IL17RD: variants seen among roughly 807,000 people sequenced by gnomAD.
IL17RD encodes the protein interleukin 17 receptor D.
In IL17RD, 52 loss-of-function variants were observed where a neutral mutation model predicts 80.5. The ratio of observed to expected loss-of-function variants is 0.65; its 90% CI spans 0.52 to 0.81. The LOEUF (loss-of-function observed/expected upper bound fraction) is 0.81, where lower values mean the gene tolerates loss of function less well. IL17RD is among the 40% of genes least tolerant of loss of function. The probability of loss-of-function intolerance (pLI) is 0.00; values close to 1 mark genes in which losing one functional copy is unlikely to be tolerated. For synonymous variants in IL17RD, 416 were observed against 391.8 expected (o/e 1.06, Z -0.73); for missense variants, 1,024 against 955.1 (o/e 1.07, Z -0.95).
At chr3:57,134,616 GC>G (rs1388512599) in intron 1 of IL17RD, 5 of 916,464 alleles carry the variant, frequency 5.5e-6, no homozygotes, top group African/African-American at 1.6e-5. Context: ...CCAGGCTAAG[GC>G]CCGCAGGTCT....
In IL17RD at chr3:57,100,912, CA is replaced by C. The variant is rs1706812357; in HGVS notation, c.1164+266del. 2.6e-5 allele frequency among the ~76,000 whole-genome samples: 4 copies of C among 152,174 alleles called. No homozygotes were observed. The South Asian group carries it at 8.3e-4, about 32-fold the overall frequency. On this transcript the variant is annotated intron_variant, in intron 11 of 12. Coordinates refer to ENST00000296318, the MANE Select transcript of IL17RD (RefSeq NM_017563.5). ...AAGCTACTGGTCTTCTTAATGCTTA[CA>C]AAACTTCCTGCCAGGTGGGTGCCAC...
At chr3:57,151,115 C>A (rs893533690) in intron 1 of IL17RD, among the ~76,000 whole-genome samples, 4 of 152,180 alleles carry the variant, frequency 2.6e-5, no homozygotes, top group Non-Finnish European at 4.4e-5. Flanking sequence ...CTATTCACTG[C>A]GGCTTTCCTG....
intron 2 of IL17RD, among the ~76,000 whole-genome samples, chr3:57,118,789 G>A (rs1381967290): frequency 6.6e-6 from 1 of 152,130 alleles, no homozygotes; most frequent in Non-Finnish European, 1.5e-5. Flanking sequence ...CTCCCAAGTT[G>A]AGCAGTTATA....
At chr3:57,118,570 T>C (rs1200547317) in intron 2 of IL17RD, among the ~76,000 whole-genome samples, 1 of 152,146 alleles carries the variant, frequency 6.6e-6, no homozygotes, top group African/African-American at 2.4e-5. Context: ...AAAGCTAAAA[T>C]GATCACAATT....
intron 11 of IL17RD, among the ~76,000 whole-genome samples, chr3:57,100,776 T>C (rs991827905): frequency 6.6e-6 from 1 of 152,216 alleles, no homozygotes; most frequent in Non-Finnish European, 1.5e-5. Flanking sequence ...GCGAACTCAC[T>C]GCTTTACTTG....
intron 10 of IL17RD, among the ~76,000 whole-genome samples, chr3:57,101,674 C>A (rs1042080255): frequency 9.2e-5 from 14 of 152,194 alleles, no homozygotes; most frequent in African/African-American, 3.1e-4. Context: ...GCTCTTGCAG[C>A]CAAGTGCACC....
At chr3:57,100,213 C>G (rs1415521789) in intron 11 of IL17RD, among the ~76,000 whole-genome samples, 1 of 152,226 alleles carries the variant, frequency 6.6e-6, no homozygotes, top group Non-Finnish European at 1.5e-5. Flanking sequence ...AGTTATTTTT[C>G]AGCACGTGCT....
Position 57,094,499 on chromosome 3 carries a change from CTCCAT to C in IL17RD, c.*1889_*1893del. ...TCAGTTAATGCTTCTCCTCCCAGTC[CTCCAT>C]TCTCTCCCTGGGGCCACTTTCTCAG... On this transcript the variant is annotated 3_prime_UTR_variant, in exon 13 of 13. Transcript: ENST00000296318. The C allele has an allele frequency of 6.6e-6, 1 of 152,210 alleles. No individual in the cohort carries two copies. The highest frequency in any genetic ancestry group is 1.5e-5 in the Non-Finnish European group (1 of 68,064). 9.4% of individuals were successfully genotyped at this position (152,210 alleles called of 1,614,324 possible).
Position 57,096,301 on chromosome 3 carries a change from A to G in IL17RD, c.*92T>C, listed in dbSNP as rs1005601661. ...TCCAAATATCCTTGTATGAGACCTC[A>G]GCTCCAAGTGGGCCATGCAACCAGG... On this transcript the variant is annotated 3_prime_UTR_variant, in exon 13 of 13. Transcript: ENST00000296318. 23 of 846,374 alleles carry G rather than the reference A, an allele frequency of 2.7e-5. No individual in the cohort carries two copies. Among genetic ancestry groups the G allele is most frequent in the East Asian group, 2.7e-4 (11 of 41,406 alleles). 52.4% of individuals were successfully genotyped at this position (846,374 alleles called of 1,614,324 possible).
In IL17RD at chr3:57,098,293, C is replaced by A; in HGVS notation, c.1410G>T (p.Ala470=). The part of the protein sequence containing the change: ...KLRQAKQSSS[A]ALSKFIAVYF... The stretch of plus-strand genomic sequence containing the variant: ...AGACGGCGATAAACTTGCTGAGCGC[C>A]GCGGACGAACTCTGCTTGGCCTGGC... The change falls in exon 12 of 13, where the codon GCG becomes GCT. Residue 470 remains alanine (A), a synonymous_variant. Transcript: ENST00000296318. 6.2e-7 allele frequency: 1 copy of A among 1,613,984 alleles called. No homozygotes were observed. Among genetic ancestry groups the A allele is most frequent in the Non-Finnish European group, 8.5e-7 (1 of 1,179,892 alleles).
In IL17RD at chr3:57,097,738, G is replaced by A. The variant is rs1333796074; in HGVS notation, c.1965C>T (p.Pro655=). Residue 655 remains proline (P), a synonymous_variant, in exon 12 of 13, where the codon CCC becomes CCT. Coordinates refer to ENST00000296318, the MANE Select transcript of IL17RD (RefSeq NM_017563.5). ...PLLHTVKAGS[P]SDMPRDSGIY... ...TGCCTGAGTCCCGCGGCATGTCCGA[G>A]GGGCTGCCGGCTTTCACCGTGTGCA... 2 of 1,602,518 alleles carry A rather than the reference G, an allele frequency of 1.2e-6. No homozygotes were observed. Among genetic ancestry groups the A allele is most frequent in the South Asian group, 1.1e-5 (1 of 89,248 alleles).
rs940616758 is a variant in IL17RD at position 57,098,099 on chromosome 3, C to T, written c.1604G>A (p.Arg535Gln). The T allele has an allele frequency of 9.9e-6, 16 of 1,613,982 alleles. No individual in the cohort carries two copies. Among genetic ancestry groups the T allele is most frequent in the Non-Finnish European group, 1.4e-5 (16 of 1,179,880 alleles). The change falls in exon 12 of 13, where the codon CGG becomes CAG. Residue 535 changes from arginine (R) to glutamine (Q), a missense_variant. Transcript: ENST00000296318. Reference sequence around the variant, plus strand: ...GTATAGGGACCGGCCTGACTTGCTCCGGAAGTAGTTCCTTCTGCTGCCCTG... The same window carrying T: ...GTATAGGGACCGGCCTGACTTGCTCTGGAAGTAGTTCCTTCTGCTGCCCTG... ...TRQGSRRNYF[R>Q]SKSGRSLYVA...
At chr3:57,122,321 A>G (rs576993761) in intron 1 of IL17RD, among the ~76,000 whole-genome samples, 2 of 152,340 alleles carry the variant, frequency 1.3e-5, no homozygotes, top group African/African-American at 4.8e-5. Context: ...TAGTACCTCA[A>G]TCCTCCCATC....
At chr3:57,106,954 A>C (rs1004318241) in intron 5 of IL17RD, among the ~76,000 whole-genome samples, 4 of 152,220 alleles carry the variant, frequency 2.6e-5, no homozygotes, top group African/African-American at 9.6e-5. Context: ...TTCATCTTAA[A>C]TTACACTAAT....
At chr3:57,155,122 G>A (rs780191752) in intron 1 of IL17RD, among the ~76,000 whole-genome samples, 3 of 152,122 alleles carry the variant, frequency 2.0e-5, no homozygotes, top group Non-Finnish European at 4.4e-5. Flanking sequence ...ACCTTCAAGT[G>A]GCTTCAGAAA....
chr3:57,134,436 A>T, intron 1 of IL17RD: 1 of 777,902 alleles, frequency 1.3e-6, no homozygotes, highest in Non-Finnish European at 2.3e-6. Flanking sequence ...GAGAATGCGG[A>T]TTCTGTGCTG....
intron 2 of IL17RD, 103 bp from the exon 3 acceptor site, chr3:57,114,920 C>T: frequency 1.1e-6 from 1 of 927,268 alleles, no homozygotes; most frequent in Non-Finnish European, 1.5e-6. Context: ...GTGGCCAAAT[C>T]CATTCTGTTA....
chr3:57,142,045 G>C (rs1707838638), intron 1 of IL17RD, among the ~76,000 whole-genome samples: 1 of 152,050 alleles, frequency 6.6e-6, no homozygotes, highest in Non-Finnish European at 1.5e-5. Context: ...TTCAAAAAGG[G>C]ACACACGGAG....
At chr3:57,118,571 G>C (rs988883353) in intron 2 of IL17RD, among the ~76,000 whole-genome samples, 2 of 152,096 alleles carry the variant, frequency 1.3e-5, no homozygotes, top group African/African-American at 4.8e-5. Context: ...AAGCTAAAAT[G>C]ATCACAATTC....
Sources: allele counts gnomAD v4.1 joint callset (sites outside exome capture counted in the v4.1 genomes callset), GRCh38; gene constraint gnomAD v4.1.1; transcripts MANE v1.5; gene names NCBI Gene and HGNC (gene_info 2026-07-23, HGNC 2026-07-21).